The following PDE4D variants were observed in gnomAD, a reference collection of about 807,000 sequenced individuals.
PDE4D encodes the protein 3',5'-cyclic-AMP phosphodiesterase 4D.
A neutral mutation model predicts 87.4 loss-of-function variants in PDE4D; 24 were observed. The ratio of observed to expected loss-of-function variants is 0.27; its 90% CI spans 0.20 to 0.39. PDE4D has a LOEUF of 0.39. Ranked by LOEUF, PDE4D falls within the 10% of genes least tolerant of loss-of-function variation. The probability of loss-of-function intolerance (pLI) is 1.00; values close to 1 mark genes in which losing one functional copy is unlikely to be tolerated. For missense variants in PDE4D, 714 were observed against 1,041.0 expected, an observed-to-expected ratio of 0.69 and a Z score of 4.32; for synonymous variants, 384 against 383.2, an observed-to-expected ratio of 1.00 and a Z score of -0.02.
intron 1 of PDE4D, among the ~76,000 whole-genome samples, chr5:59,510,578 G>A (rs1180011867): frequency 2.0e-5 from 3 of 151,714 alleles, no homozygotes; most frequent in African/African-American, 7.3e-5. Context: ...TAGTTAGGTA[G>A]ACAGAAACAA....
At chr5:59,391,274 A>G (rs949039289) in intron 1 of PDE4D, among the ~76,000 whole-genome samples, 1 of 152,172 alleles carries the variant, frequency 6.6e-6, no homozygotes, top group African/African-American at 2.4e-5. Context: ...AGGGGACTTC[A>G]TTTGAATAAG....
intron 3 of PDE4D, among the ~76,000 whole-genome samples, chr5:59,977,183 C>T (rs560299435): frequency 1.3e-5 from 2 of 152,208 alleles, no homozygotes; most frequent in South Asian, 4.1e-4. Context: ...AGGCTGAAAG[C>T]CAGGCCTTTT....
At chr5:59,414,513 T>C (rs1793257371) in intron 1 of PDE4D, among the ~76,000 whole-genome samples, 1 of 152,134 alleles carries the variant, frequency 6.6e-6, no homozygotes, top group Non-Finnish European at 1.5e-5. Context: ...TGGGGACATA[T>C]TTGTGAGACA....
intron 1 of PDE4D, among the ~76,000 whole-genome samples, chr5:59,813,200 G>A (rs183262426): frequency 1.6e-3 from 240 of 152,238 alleles, no homozygotes; most frequent in Non-Finnish European, 2.6e-3. Flanking sequence ...CAATCAGGGA[G>A]TTTTGGCAAA....
At chr5:60,261,176 T>C (rs926767250) in intron 1 of PDE4D, among the ~76,000 whole-genome samples, 2 of 152,178 alleles carry the variant, frequency 1.3e-5, no homozygotes, top group African/African-American at 4.8e-5. Context: ...AGCTAAAATA[T>C]GGTTTAGATT....
intron 1 of PDE4D, among the ~76,000 whole-genome samples, chr5:59,774,682 C>CTT (rs1763901547): frequency 1.4e-5 from 2 of 141,384 alleles, no homozygotes; most frequent in African/African-American, 5.5e-5. Context: ...TTTTTTTTTT[C>CTT]TTTTTTCTTT....
chr5:59,903,607 A>T (rs1437746449), intron 3 of PDE4D, among the ~76,000 whole-genome samples: 3 of 152,168 alleles, frequency 2.0e-5, no homozygotes. Context: ...ACTACTACTT[A>T]TTGGGTTTAC....
chr5:59,929,618 A>AAAT (rs1303122609), intron 3 of PDE4D, among the ~76,000 whole-genome samples: 6 of 152,330 alleles, frequency 3.9e-5, no homozygotes, highest in Middle Eastern at 3.4e-3. Context: ...AAAATGTGAA[A>AAAT]AATTTAAGCA....
At chr5:59,678,014 T>C (rs1748397918) in intron 1 of PDE4D, among the ~76,000 whole-genome samples, 1 of 152,196 alleles carries the variant, frequency 6.6e-6, no homozygotes, top group African/African-American at 2.4e-5. Context: ...AAATGCTAAA[T>C]CAACAAATAA....
Position 59,893,224 on chromosome 5 carries a change from C to G in PDE4D, c.399G>C (p.Arg133=). The G allele has an allele frequency of 6.4e-7, 1 of 1,560,448 alleles. No individual in the cohort carries two copies. The highest frequency in any genetic ancestry group is 1.9e-5 in the Admixed American group (1 of 52,348). ...RTSYAVETGH[R]PGLKKSRMSW... is the part of the protein sequence containing the mutation. ...ACATCCTGGATTTCTTCAGGCCGGG[C>G]CGGTGGCCGGTCTCCACCGCGTAGG... Residue 133 remains arginine, a synonymous_variant, in exon 1 of 15, where the codon CGG becomes CGC. Coordinates refer to ENST00000340635, the MANE Select transcript of PDE4D (RefSeq NM_001104631.2).
chr5:59,010,051 C>A (rs185791923), intron 6 of PDE4D, among the ~76,000 whole-genome samples: 1 of 152,256 alleles, frequency 6.6e-6, no homozygotes, highest in Admixed American at 6.5e-5. Context: ...GTTGGCAGGG[C>A]GCTGTGGCTC....
intron 1 of PDE4D, among the ~76,000 whole-genome samples, chr5:59,848,741 A>G (rs1402935288): frequency 6.6e-6 from 1 of 152,098 alleles, no homozygotes; most frequent in East Asian, 1.9e-4. Flanking sequence ...AAGATAATGC[A>G]TCCATTAGAA....
chr5:60,430,094 C>A (rs1744087698), intron 1 of PDE4D: 10 of 524,270 alleles, frequency 1.9e-5, no homozygotes, highest in South Asian at 1.4e-4. Flanking sequence ...TCAAAGTGTG[C>A]ATCTGGAGTT....
chr5:59,826,454 T>C (rs1008053434), intron 1 of PDE4D, among the ~76,000 whole-genome samples: 2 of 152,206 alleles, frequency 1.3e-5, no homozygotes, highest in African/African-American at 4.8e-5. Context: ...ATCTTATTCA[T>C]GTTCTTGCTA....
intron 1 of PDE4D, among the ~76,000 whole-genome samples, chr5:60,228,479 A>G (rs1196856453): frequency 2.7e-5 from 4 of 149,810 alleles, no homozygotes; most frequent in Non-Finnish European, 5.9e-5. Flanking sequence ...ATAAATGATC[A>G]TGCAGGAGAT....
chr5:59,031,246 C>G (rs768365069), intron 6 of PDE4D, among the ~76,000 whole-genome samples: 2 of 151,584 alleles, frequency 1.3e-5, no homozygotes, highest in Non-Finnish European at 2.9e-5. Flanking sequence ...CCCAAAGGAA[C>G]TGAAATTGGT....
intron 2 of PDE4D, among the ~76,000 whole-genome samples, chr5:60,067,576 A>G (rs1276613684): frequency 2.0e-5 from 3 of 152,144 alleles, no homozygotes; most frequent in African/African-American, 7.2e-5. Context: ...ATTAAACACA[A>G]AACTACTTTC....
At chr5:60,482,123 A>C (rs1247405055) in intron 1 of PDE4D, among the ~76,000 whole-genome samples, 1 of 152,106 alleles carries the variant, frequency 6.6e-6, no homozygotes, top group Non-Finnish European at 1.5e-5. Flanking sequence ...TTGGAAGATA[A>C]TTAGGTCATG....
rs1582788147 is a variant in PDE4D at position 60,127,478 on chromosome 5, A to C, written c.42+58079T>G. ...TATCACTGTGGTTCAGGAAACAGGT[A>C]ATGCCAGCACAGACAGGCCGGCCCC... On this transcript the variant is annotated intron_variant, in intron 2 of 16. Coordinates refer to the PDE4D transcript ENST00000502484. 7 of 416,704 alleles carry C rather than the reference A, an allele frequency of 1.7e-5. No homozygotes were observed. In the East Asian group the frequency reaches 2.5e-4, roughly 15 times the overall value. The allele number at this position is 416,704 out of a possible 1,614,324, so 25.8% of individuals were successfully genotyped here.
Sources: gnomAD v4.1 joint callset for allele counts (sites outside exome capture counted in the v4.1 genomes callset) on GRCh38, gnomAD v4.1.1 for gene constraint, MANE v1.5 for transcripts, NCBI Gene and HGNC (gene_info 2026-07-23, HGNC 2026-07-21) for gene names.